TBC1D19: variants seen among roughly 807,000 people sequenced by gnomAD.
TBC1D19 encodes TBC1 domain family member 19.
A neutral mutation model predicts 89.0 loss-of-function variants in TBC1D19; 60 were observed. The observed-to-expected ratio is 0.67, with a 90% CI of 0.55 to 0.84. The LOEUF (loss-of-function observed/expected upper bound fraction) is 0.84, where lower values mean the gene tolerates loss of function less well. Ranked by LOEUF, TBC1D19 falls within the 40% of genes least tolerant of loss-of-function variation. The pLI is 0.00. For synonymous variants in TBC1D19, 189 were observed against 199.7 expected, an observed-to-expected ratio of 0.95 and a Z score of 0.45; for missense variants, 500 against 610.8, an observed-to-expected ratio of 0.82 and a Z score of 1.91.
At chr4:26,749,448 GT>G (rs59744575) in intron 19 of TBC1D19, among the ~76,000 whole-genome samples, 46,403 of 106,554 alleles carry the variant, frequency 0.44, 7,509 homozygotes, top group East Asian at 0.6. Context: ...TATTCGGGTT[GT>G]TTTTTTTTTT....
the TBC1D19 span, among the ~76,000 whole-genome samples, chr4:26,848,434 C>T: frequency 6.6e-6 from 1 of 152,332 alleles, no homozygotes; most frequent in South Asian, 2.1e-4. Context: ...TGCACTTTTG[C>T]TCCTGCATGT....
intron 11 of TBC1D19, 21 bp downstream of exon 11, chr4:26,673,909 G>A: frequency 2.1e-6 from 3 of 1,448,896 alleles, no homozygotes; most frequent in South Asian, 2.5e-5. Context: ...AAAAAGGGTG[G>A]GTCAGATTTT....
At chr4:26,637,673 A>T (rs1055160666) in intron 5 of TBC1D19, among the ~76,000 whole-genome samples, 8 of 152,170 alleles carry the variant, frequency 5.3e-5, no homozygotes, top group African/African-American at 1.9e-4. Context: ...TGCCCGGCCT[A>T]TTTATGTATT....
chr4:26,850,540 CAAAAAAAAAAA>C, the TBC1D19 span, among the ~76,000 whole-genome samples: 1 of 90,442 alleles, frequency 1.1e-5, no homozygotes, highest in Non-Finnish European at 1.9e-5. Flanking sequence ...GACCCTGTCT[CAAAAAAAAAAA>C]AAAAAAAAAA....
the TBC1D19 span, among the ~76,000 whole-genome samples, chr4:26,850,540 C>CAAAAAAAAAAAAAA: frequency 2.1e-3 from 192 of 90,340 alleles, 5 homozygotes; most frequent in African/African-American, 6.4e-3. Context: ...GACCCTGTCT[C>CAAAAAAAAAAAAAA]AAAAAAAAAA....
intron 13 of TBC1D19, among the ~76,000 whole-genome samples, chr4:26,700,489 G>A (rs1269227147): frequency 6.6e-6 from 1 of 151,788 alleles, no homozygotes; most frequent in Non-Finnish European, 1.5e-5. Flanking sequence ...TCATATTATT[G>A]TCATTAAGCT....
At chr4:26,725,849 A>G (rs1717277988) in intron 15 of TBC1D19, among the ~76,000 whole-genome samples, 1 of 152,218 alleles carries the variant, frequency 6.6e-6, no homozygotes, top group Non-Finnish European at 1.5e-5. Context: ...TGCATGGCAT[A>G]AAGTCTGTGC....
At chr4:26,764,901 A>G in the TBC1D19 span, among the ~76,000 whole-genome samples, 1 of 152,206 alleles carries the variant, frequency 6.6e-6, no homozygotes, top group African/African-American at 2.4e-5. Context: ...GAAATTTTGG[A>G]GATGATGCCA....
intron 1 of TBC1D19, among the ~76,000 whole-genome samples, chr4:26,590,093 G>A (rs1267426134): frequency 1.3e-5 from 2 of 152,160 alleles, no homozygotes; most frequent in Admixed American, 1.3e-4. Context: ...TAACATTTTA[G>A]TTCATTTCTT....
chr4:26,686,333 A>C (rs1450982018), intron 12 of TBC1D19, among the ~76,000 whole-genome samples: 1 of 152,144 alleles, frequency 6.6e-6, no homozygotes, highest in South Asian at 2.1e-4. Flanking sequence ...ATGGAAAGTC[A>C]TAGATGTTCT....
intron 15 of TBC1D19, among the ~76,000 whole-genome samples, chr4:26,734,951 CAT>C (rs1316528573): frequency 1.7e-5 from 1 of 58,848 alleles, no homozygotes; most frequent in African/African-American, 4.5e-5. Flanking sequence ...TATGTATACA[CAT>C]ATGTATATGT....
intron 1 of TBC1D19, among the ~76,000 whole-genome samples, chr4:26,577,651 T>C (rs1739001027): frequency 6.6e-6 from 1 of 151,928 alleles, no homozygotes; most frequent in African/African-American, 2.4e-5. Flanking sequence ...GAAACACTGG[T>C]AGGGGAGTGG....
chr4:26,778,479 G>A, the TBC1D19 span, among the ~76,000 whole-genome samples: 15 of 151,610 alleles, frequency 9.9e-5, no homozygotes, highest in Non-Finnish European at 1.8e-4. Context: ...AAGGGAAGAA[G>A]GAAAGGAAAA....
At chr4:26,620,935 G>A (rs1742010824) in intron 4 of TBC1D19, among the ~76,000 whole-genome samples, 1 of 152,098 alleles carries the variant, frequency 6.6e-6, no homozygotes, top group Non-Finnish European at 1.5e-5. Flanking sequence ...TACTATACTG[G>A]CCTGCAATTT....
intron 13 of TBC1D19, among the ~76,000 whole-genome samples, chr4:26,692,629 G>T (rs1203431986): frequency 6.6e-6 from 1 of 152,170 alleles, no homozygotes; most frequent in South Asian, 2.1e-4. Context: ...GTATAGGAAA[G>T]TTCCAACCTA....
intron 7 of TBC1D19, among the ~76,000 whole-genome samples, chr4:26,643,859 C>T (rs1364183810): frequency 1.3e-5 from 2 of 152,076 alleles, no homozygotes; most frequent in East Asian, 3.9e-4. Flanking sequence ...CACATACGCC[C>T]TCCCAAGACC....
intron 19 of TBC1D19, among the ~76,000 whole-genome samples, 166 bp downstream of exon 19, chr4:26,748,692 C>CTTG (rs1287128249): frequency 2.6e-5 from 4 of 152,188 alleles, no homozygotes; most frequent in Non-Finnish European, 5.9e-5. Flanking sequence ...AAACTGCAGT[C>CTTG]TTGATACTTT....
intron 8 of TBC1D19, 72 bp from the exon 9 acceptor site, chr4:26,666,261 G>T: frequency 8.1e-7 from 1 of 1,239,522 alleles, no homozygotes; most frequent in Non-Finnish European, 1.2e-6. Flanking sequence ...TAATGTTAAG[G>T]CAAAGGTGAT....
At chr4:26,718,070 G>C in intron 14 of TBC1D19, 53 bp downstream of exon 14, 1 of 1,378,618 alleles carries the variant, frequency 7.3e-7, no homozygotes, top group Non-Finnish European at 1.0e-6. Context: ...ATCATGCCAA[G>C]AATATTTGTT....
Sources: gnomAD v4.1 joint callset for allele counts (sites outside exome capture counted in the v4.1 genomes callset) on GRCh38, gnomAD v4.1.1 for gene constraint, MANE v1.5 for transcripts, NCBI Gene and HGNC (gene_info 2026-07-23, HGNC 2026-07-21) for gene names.